Variants in DLEU7 observed in about 807,000 individuals in gnomAD.
DLEU7 encodes deleted in lymphocytic leukemia 7.
A neutral mutation model predicts 16.0 loss-of-function variants in DLEU7; 17 were observed. The ratio of observed to expected loss-of-function variants is 1.06; its 90% confidence interval spans 0.73 to 1.59. The LOEUF (loss-of-function observed/expected upper bound fraction) is 1.59. DLEU7 is among the 40% of genes most tolerant of loss of function. The pLI is 0.00. For synonymous variants in DLEU7, 113 were observed against 139.8 expected, an observed-to-expected ratio of 0.81 and a Z score of 1.35; for missense variants, 308 against 314.9, an observed-to-expected ratio of 0.98 and a Z score of 0.17.
At chr13:50,835,151 C>G (rs1877411797) in intron 1 of DLEU7, among the ~76,000 whole-genome samples, 1 of 152,256 alleles carries the variant, frequency 6.6e-6, no homozygotes, top group East Asian at 1.9e-4. Context: ...ATGTAACAAA[C>G]CTGCACATTC....
chr13:50,718,968 C>A (rs980849822), intron 1 of DLEU7, among the ~76,000 whole-genome samples: 23 of 152,156 alleles, frequency 1.5e-4, no homozygotes, highest in African/African-American at 5.6e-4. Flanking sequence ...GTAATGAGGT[C>A]TTCCCATTAA....
chr13:50,779,998 A>G (rs1460249941), intron 1 of DLEU7, among the ~76,000 whole-genome samples: 2 of 152,158 alleles, frequency 1.3e-5, no homozygotes, highest in African/African-American at 4.8e-5. Context: ...ACAGCTTAAC[A>G]GAGATTAATG....
chr13:50,777,821 T>C (rs1875549502), intron 1 of DLEU7, among the ~76,000 whole-genome samples: 1 of 152,222 alleles, frequency 6.6e-6, no homozygotes, highest in South Asian at 2.1e-4. Flanking sequence ...GTAAATTTCA[T>C]CTTTCCATAA....
intron 1 of DLEU7, among the ~76,000 whole-genome samples, chr13:50,797,549 G>A (rs1270935964): frequency 1.3e-5 from 2 of 152,144 alleles, no homozygotes; most frequent in Admixed American, 6.5e-5. Context: ...GTAGATGTTA[G>A]TTTCTTCATT....
intron 1 of DLEU7, among the ~76,000 whole-genome samples, chr13:50,806,534 A>C (rs535216113): frequency 6.6e-6 from 1 of 152,112 alleles, no homozygotes; most frequent in Non-Finnish European, 1.5e-5. Flanking sequence ...TATATTTTCT[A>C]TTGCCCTAAA....
At chr13:50,736,003 G>T (rs1044730447) in intron 1 of DLEU7, among the ~76,000 whole-genome samples, 1 of 152,062 alleles carries the variant, frequency 6.6e-6, no homozygotes, top group Non-Finnish European at 1.5e-5. Flanking sequence ...TCTCATCACT[G>T]TATGTATACC....
At chr13:50,831,026 CTCTTTGTAT>C (rs1461265594) in intron 1 of DLEU7, among the ~76,000 whole-genome samples, 1 of 148,392 alleles carries the variant, frequency 6.7e-6, no homozygotes, top group Admixed American at 6.8e-5. Context: ...GATATGGAAG[CTCTTTGTAT>C]TTTTTAAGTG....
In DLEU7 at chr13:50,786,366, T is replaced by G. The variant is rs182647468; in HGVS notation, c.459+56822A>C. Among the ~76,000 whole-genome samples the G allele has an allele frequency of 3.4e-4, 52 of 152,306 alleles. No homozygotes were observed. In the East Asian group the frequency reaches 9.4e-3, roughly 28 times the overall value. ...CCTGGTTTTTGGTTGTTTTGTTTTG[T>G]TTTTTAGTTCCTGAACACATAGATA... is the stretch of plus-strand genomic sequence containing the variant. On this transcript the variant is annotated intron_variant, in intron 1 of 1. Coordinates refer to the DLEU7 transcript ENST00000400393.
intron 1 of DLEU7, among the ~76,000 whole-genome samples, chr13:50,808,210 C>A (rs1876450295): frequency 6.6e-6 from 1 of 152,150 alleles, no homozygotes; most frequent in Non-Finnish European, 1.5e-5. Context: ...AAGCAGCTTC[C>A]ATTCTTCTAA....
chr13:50,817,114 G>GT (rs950924047), intron 1 of DLEU7, among the ~76,000 whole-genome samples: 17 of 151,748 alleles, frequency 1.1e-4, no homozygotes, highest in African/African-American at 2.4e-4. Flanking sequence ...TTTTGTAATG[G>GT]TTTTTTTTAA....
intron 1 of DLEU7, among the ~76,000 whole-genome samples, chr13:50,730,999 A>T (rs1191226076): frequency 6.6e-6 from 1 of 152,170 alleles, no homozygotes; most frequent in African/African-American, 2.4e-5. Context: ...GCCGATGAAA[A>T]ATGGAAAGTA....
chr13:50,819,560 G>A (rs575184051), downstream of DLEU7, among the ~76,000 whole-genome samples: 19 of 152,238 alleles, frequency 1.2e-4, no homozygotes, highest in South Asian at 3.7e-3. Flanking sequence ...GGCTATGGAA[G>A]TAGTGAGAAG....
intron 1 of DLEU7, among the ~76,000 whole-genome samples, chr13:50,739,255 A>G (rs1874185148): frequency 6.6e-6 from 1 of 152,160 alleles, no homozygotes. Context: ...GACACAGAAC[A>G]CAACTGTTAC....
chr13:50,774,607 G>A (rs74078405), intron 1 of DLEU7, among the ~76,000 whole-genome samples: 2,562 of 152,170 alleles, frequency 0.017, 78 homozygotes, highest in African/African-American at 0.058. Flanking sequence ...TGGGATTTGC[G>A]GAGTTTCATG....
chr13:50,758,316 A>G (rs1189262285), intron 1 of DLEU7, among the ~76,000 whole-genome samples: 1 of 152,198 alleles, frequency 6.6e-6, no homozygotes, highest in African/African-American at 2.4e-5. Context: ...AGACTGTGGT[A>G]CACATTGATC....
At chr13:50,838,665 T>A (rs79274398) in intron 1 of DLEU7, among the ~76,000 whole-genome samples, 1,808 of 152,300 alleles carry the variant, frequency 0.012, 39 homozygotes, top group African/African-American at 0.038. Flanking sequence ...GGTACAGAGA[T>A]CATCCAGTGT....
chr13:50,834,608 T>C (rs1052192327), intron 1 of DLEU7, among the ~76,000 whole-genome samples: 3 of 152,150 alleles, frequency 2.0e-5, no homozygotes, highest in Non-Finnish European at 4.4e-5. Context: ...TGTAAATTAG[T>C]TCAACCATTG....
intron 1 of DLEU7, among the ~76,000 whole-genome samples, chr13:50,716,803 A>G (rs1253587765): frequency 6.6e-6 from 1 of 152,240 alleles, no homozygotes; most frequent in Non-Finnish European, 1.5e-5. Context: ...TAAACTTTTA[A>G]AAGAGATCTA....
chr13:50,837,751 G>T (rs948739258), intron 1 of DLEU7, among the ~76,000 whole-genome samples: 2 of 152,130 alleles, frequency 1.3e-5, no homozygotes, highest in African/African-American at 2.4e-5. Context: ...ATAGGAAAAA[G>T]ATTTGATTAT....
Sources: allele counts gnomAD v4.1 joint callset (sites outside exome capture counted in the v4.1 genomes callset), GRCh38; gene constraint gnomAD v4.1.1; transcripts MANE v1.5; gene names NCBI Gene and HGNC (gene_info 2026-07-23, HGNC 2026-07-21).